Variants in RBFOX1 observed in about 807,000 individuals in gnomAD.
RBFOX1 encodes RNA binding fox-1 homolog 1.
In RBFOX1, 8 loss-of-function variants were observed where a neutral mutation model predicts 57.7. The ratio of observed to expected loss-of-function variants is 0.14; its 90% CI spans 0.08 to 0.25. The LOEUF (loss-of-function observed/expected upper bound fraction) is 0.25. Ranked by LOEUF, RBFOX1 falls within the 10% of genes least tolerant of loss-of-function variation. The pLI is 1.00. For missense variants in RBFOX1, 611 were observed against 548.5 expected, an observed-to-expected ratio of 1.11 and a Z score of -1.14; for synonymous variants, 326 against 222.4, an observed-to-expected ratio of 1.47 and a Z score of -4.15.
intron 4 of RBFOX1, among the ~76,000 whole-genome samples, chr16:7,369,655 A>G (rs907698673): frequency 3.3e-5 from 5 of 152,192 alleles, no homozygotes; most frequent in African/African-American, 1.2e-4. Context: ...AATTGTTTGA[A>G]GTGAGACTAG....
At chr16:5,244,392 C>T (rs540838871) in intron 1 of RBFOX1, among the ~76,000 whole-genome samples, 9 of 152,254 alleles carry the variant, frequency 5.9e-5, no homozygotes, top group African/African-American at 9.6e-5. Flanking sequence ...CCACCACATC[C>T]GCCTGGTTCT....
chr16:5,940,185 G>A (rs2059251058), intron 4 of RBFOX1, among the ~76,000 whole-genome samples: 1 of 152,204 alleles, frequency 6.6e-6, no homozygotes, highest in Non-Finnish European at 1.5e-5. Context: ...GAATGATGGA[G>A]ACACTAGAGT....
At chr16:5,600,831 C>G (rs1385611863), downstream of RBFOX1, among the ~76,000 whole-genome samples, 2 of 152,174 alleles carry the variant, frequency 1.3e-5, no homozygotes, top group Admixed American at 1.3e-4. Context: ...TCTTATCCCA[C>G]TTTTCAGTTG....
chr16:7,086,839 AT>A (rs1275221925), intron 4 of RBFOX1, among the ~76,000 whole-genome samples: 1 of 152,080 alleles, frequency 6.6e-6, no homozygotes, highest in African/African-American at 2.4e-5. Context: ...GAAGCTTTCC[AT>A]TTGCTGGGCT....
chr16:7,383,998 G>C (rs1229735402), intron 4 of RBFOX1, among the ~76,000 whole-genome samples: 1 of 150,678 alleles, frequency 6.6e-6, no homozygotes, highest in African/African-American at 2.4e-5. Context: ...AGGTTGCAGT[G>C]AGCAGAGATC....
At chr16:6,496,942 AAG>A (rs2095787850) in intron 2 of RBFOX1, among the ~76,000 whole-genome samples, 1 of 152,132 alleles carries the variant, frequency 6.6e-6, no homozygotes, top group Non-Finnish European at 1.5e-5. Context: ...CCTGGGCAAC[AAG>A]AGAGAAACTC....
At chr16:5,282,160 C>T (rs1370796132) in intron 1 of RBFOX1, among the ~76,000 whole-genome samples, 1 of 152,216 alleles carries the variant, frequency 6.6e-6, no homozygotes, top group Non-Finnish European at 1.5e-5. Flanking sequence ...AGTTTCCCTG[C>T]TCAAGCTCTC....
At chr16:7,282,050 G>A (rs2095555316) in intron 4 of RBFOX1, among the ~76,000 whole-genome samples, 1 of 151,698 alleles carries the variant, frequency 6.6e-6, no homozygotes, top group African/African-American at 2.4e-5. Flanking sequence ...TGTATTTTTT[G>A]TAGAGACAGG....
chr16:6,102,147 A>G (rs1335896309), intron 1 of RBFOX1, among the ~76,000 whole-genome samples: 2 of 145,568 alleles, frequency 1.4e-5, no homozygotes, highest in African/African-American at 5.1e-5. Flanking sequence ...GCCTGAAGGA[A>G]TTTATTAGGG....
intron 4 of RBFOX1, among the ~76,000 whole-genome samples, chr16:7,191,610 A>C (rs1458785947): frequency 1.1e-4 from 16 of 152,256 alleles, no homozygotes; most frequent in Admixed American, 9.8e-4. Context: ...AAATTTAATA[A>C]GCAAGTAGAT....
chr16:6,212,745 A>G (rs1356016967), intron 1 of RBFOX1, among the ~76,000 whole-genome samples: 1 of 151,892 alleles, frequency 6.6e-6, no homozygotes, highest in Non-Finnish European at 1.5e-5. Flanking sequence ...AAAACCCACT[A>G]ATATGATAAT....
intron 3 of RBFOX1, among the ~76,000 whole-genome samples, chr16:6,718,221 A>C (rs1406254524): frequency 6.6e-6 from 1 of 152,150 alleles, no homozygotes. Flanking sequence ...ACAGCAATTA[A>C]TGTTTATATA....
At chr16:6,905,290 A>C (rs1428960915) in intron 3 of RBFOX1, among the ~76,000 whole-genome samples, 1 of 152,100 alleles carries the variant, frequency 6.6e-6, no homozygotes, top group African/African-American at 2.4e-5. Flanking sequence ...TCAGTAGGTC[A>C]TTCCTGTAAT....
At chr16:6,860,306 C>T (rs912766742) in intron 3 of RBFOX1, among the ~76,000 whole-genome samples, 2 of 152,146 alleles carry the variant, frequency 1.3e-5, no homozygotes, top group Admixed American at 6.5e-5. Context: ...TAAATGTTCT[C>T]AGTTCTGATG....
intron 1 of RBFOX1, among the ~76,000 whole-genome samples, chr16:6,033,973 C>T (rs1192602141): frequency 1.3e-5 from 2 of 152,102 alleles, no homozygotes; most frequent in Admixed American, 6.6e-5. Flanking sequence ...AATTATGTCC[C>T]TATTGGAAGT....
At chr16:7,121,857 G>T (rs1488961758) in intron 4 of RBFOX1, among the ~76,000 whole-genome samples, 1 of 151,930 alleles carries the variant, frequency 6.6e-6, no homozygotes. Flanking sequence ...ACAAAATAGA[G>T]ACTCCAGAAA....
At chr16:7,270,298 A>T (rs1344959150) in intron 4 of RBFOX1, among the ~76,000 whole-genome samples, 4 of 152,222 alleles carry the variant, frequency 2.6e-5, no homozygotes, top group Non-Finnish European at 4.4e-5. Flanking sequence ...AATGACCTGG[A>T]AGCATCTGTC....
At chr16:6,951,602 A>T (rs998369593) in intron 3 of RBFOX1, among the ~76,000 whole-genome samples, 1 of 151,976 alleles carries the variant, frequency 6.6e-6, no homozygotes, top group Admixed American at 6.6e-5. Flanking sequence ...TCATCTCTCC[A>T]TGTGGTTTTT....
intron 4 of RBFOX1, among the ~76,000 whole-genome samples, chr16:7,306,433 A>G (rs528350638): frequency 2.6e-5 from 4 of 152,350 alleles, no homozygotes; most frequent in African/African-American, 9.6e-5. Context: ...TGACTAAATC[A>G]GCATCATGGT....
Sources: allele counts gnomAD v4.1 joint callset (sites outside exome capture counted in the v4.1 genomes callset), GRCh38; gene constraint gnomAD v4.1.1; transcripts MANE v1.5; gene names NCBI Gene and HGNC (gene_info 2026-07-23, HGNC 2026-07-21).